Variants in SUZ12 observed in about 807,000 individuals in gnomAD.
The protein encoded by SUZ12 is polycomb protein SUZ12.
A neutral mutation model predicts 87.3 loss-of-function variants in SUZ12; 17 were observed. The observed-to-expected ratio is 0.19, with a 90% CI of 0.13 to 0.29. The LOEUF is 0.29. SUZ12 is among the 10% of genes least tolerant of loss of function. SUZ12 has a pLI of 1.00. For synonymous variants in SUZ12, 253 were observed against 312.4 expected, an observed-to-expected ratio of 0.81 and a Z score of 2.01; for missense variants, 526 against 912.2, an observed-to-expected ratio of 0.58 and a Z score of 5.45.
chr17:31,984,604 C>T (rs1179963515), intron 9 of SUZ12, among the ~76,000 whole-genome samples: 1 of 152,102 alleles, frequency 6.6e-6, no homozygotes, highest in Non-Finnish European at 1.5e-5. Context: ...AATATGAATA[C>T]ATAATATTGT....
At chr17:31,972,383 G>GTA (rs71142099) in intron 5 of SUZ12, among the ~76,000 whole-genome samples, 9,406 of 144,534 alleles carry the variant, frequency 0.065, 364 homozygotes, top group African/African-American at 0.11. Flanking sequence ...GTTTGTGTGT[G>GTA]TATATATATA....
intron 4 of SUZ12, among the ~76,000 whole-genome samples, chr17:31,950,189 C>T (rs559944996): frequency 0.025 from 2 of 80 alleles, no homozygotes; most frequent in African/African-American, 0.091. Context: ...GTGATCTGCC[C>T]ACCTCAGCCC....
At chr17:31,965,520 A>G (rs868846647) in intron 4 of SUZ12, among the ~76,000 whole-genome samples, 25 of 152,340 alleles carry the variant, frequency 1.6e-4, no homozygotes, top group African/African-American at 6.0e-4. Flanking sequence ...TAAAACTAAC[A>G]GTGAAAATGA....
rs139158235 is a variant in SUZ12 at position 31,989,299 on chromosome 17, A to G, written c.1201+802A>G. Among the ~76,000 whole-genome samples, 573 of 152,248 alleles carry G rather than the reference A, an allele frequency of 3.8e-3. 3 individuals carry two copies. The highest frequency in any genetic ancestry group is 5.9e-3 in the Non-Finnish European group (402 of 68,012). ...AATCATGGTAAATTAAGGTTCTCCTATATTAAGTGTAAAGTCTTGTGTTGA... is the reference window on the plus strand; with the variant it reads ...AATCATGGTAAATTAAGGTTCTCCTGTATTAAGTGTAAAGTCTTGTGTTGA... On this transcript the variant is annotated intron_variant, in intron 10 of 15. Coordinates refer to ENST00000322652, the MANE Select transcript of SUZ12 (RefSeq NM_015355.4).
At position 31,993,338 on chromosome 17, in the gene SUZ12, A is replaced by AC. The variant is rs1909816605; in HGVS notation, c.1293+6dup. ...AAATTAAGAATATTTTATCAGGTAA[A>AC]CATAGCTGACCCTTCTTAAAGTAAT... On this transcript the variant is annotated splice_donor_region_variant and intron_variant, in intron 11 of 15. Transcript: ENST00000322652. 2 of 1,494,838 alleles carry AC rather than the reference A, an allele frequency of 1.3e-6. No homozygotes were observed. Among genetic ancestry groups the AC allele is most frequent in the African/African-American group, 2.8e-5 (2 of 70,802 alleles). 92.6% of individuals were successfully genotyped at this position (1,494,838 alleles called of 1,614,324 possible).
chr17:31,959,654 G>C (rs1214642163), intron 4 of SUZ12, among the ~76,000 whole-genome samples: 1 of 152,152 alleles, frequency 6.6e-6, no homozygotes, highest in African/African-American at 2.4e-5. Flanking sequence ...CCTTATTCCT[G>C]CTGCTAGCAG....
chr17:31,997,778 G>A (rs4589621), intron 15 of SUZ12, among the ~76,000 whole-genome samples: 1 of 151,628 alleles, frequency 6.6e-6, no homozygotes, highest in African/African-American at 2.4e-5. Flanking sequence ...ATGCCTTTTA[G>A]TGCCACGTGT....
intron 3 of SUZ12, among the ~76,000 whole-genome samples, chr17:31,944,780 GA>G (rs1209255696): frequency 3.6e-4 from 55 of 152,154 alleles, no homozygotes; most frequent in African/African-American, 1.2e-3. Context: ...ACGTAATTAT[GA>G]ATGCAAGTTT....
intron 4 of SUZ12, among the ~76,000 whole-genome samples, chr17:31,954,085 CAG>C (rs1907152545): frequency 1.3e-5 from 2 of 151,118 alleles, no homozygotes; most frequent in Admixed American, 6.6e-5. Context: ...ATTTTTGAGA[CAG>C]AGTCTTGCTT....
At position 31,940,253 on chromosome 17, in the gene SUZ12, G is replaced by A. The variant is rs531621489; in HGVS notation, c.275-33G>A. On this transcript the variant is annotated intron_variant, in intron 1 of 15. Transcript: ENST00000322652. ...GATATTTTTCTGACAAGTAAGTTTA[G>A]ATCATGTTTGGATTTTGTTTCCTAT... 53 of 1,591,324 alleles carry A rather than the reference G, an allele frequency of 3.3e-5. No individual in the cohort carries two copies. In the African/African-American group the frequency reaches 5.7e-4, roughly 17 times the overall value.
chr17:31,990,838 C>G (rs1909683158), intron 10 of SUZ12, among the ~76,000 whole-genome samples: 1 of 152,114 alleles, frequency 6.6e-6, no homozygotes, highest in Non-Finnish European at 1.5e-5. Context: ...ACCACCGCCT[C>G]CCAGGCTCAA....
chr17:31,972,739 C>T (rs1388047933), intron 5 of SUZ12, among the ~76,000 whole-genome samples: 7 of 149,502 alleles, frequency 4.7e-5, no homozygotes, highest in Admixed American at 3.3e-4. Context: ...TACTTACAAC[C>T]TGGGCATGGT....
In SUZ12 at chr17:31,998,789, T is replaced by C. The variant is rs1910113550; in HGVS notation, c.2006T>C (p.Ile669Thr). 1.9e-6 allele frequency: 3 copies of C among 1,613,016 alleles called. No homozygotes were observed. The highest frequency in any genetic ancestry group is 1.1e-5 in the South Asian group (1 of 90,890). The change falls in exon 16 of 16, where the codon ATT becomes ACT. Residue 669 changes from isoleucine (I) to threonine (T), a missense_variant. Around this residue, in one of 9 missense-constraint regions of SUZ12, gnomAD observed 143 missense variants for 321.6 expected, o/e 0.44. Transcript: ENST00000322652. ...GTCAGCATGCATGACTTTAATCTTA[T>C]TAGCATAATGTCAATAGATAAAGCT... Reference protein sequence around the residue: ...HLVSMHDFNLISIMSIDKAVT... With the variant: ...HLVSMHDFNLTSIMSIDKAVT...
At chr17:31,988,598 T>G in intron 10 of SUZ12, 101 bp downstream of exon 10, 1 of 357,454 alleles carries the variant, frequency 2.8e-6, no homozygotes, top group Non-Finnish European at 4.0e-6. Context: ...GTGATTCTTC[T>G]TTTTTTTTTT....
intron 4 of SUZ12, among the ~76,000 whole-genome samples, chr17:31,954,724 G>A (rs928327125): frequency 6.6e-6 from 1 of 152,162 alleles, no homozygotes; most frequent in Non-Finnish European, 1.5e-5. Flanking sequence ...GATCAGGGAA[G>A]GCATCTCTGA....
At chr17:31,964,684 G>A (rs1396004204) in intron 4 of SUZ12, among the ~76,000 whole-genome samples, 1 of 152,146 alleles carries the variant, frequency 6.6e-6, no homozygotes, top group African/African-American at 2.4e-5. Context: ...GATTACAGAC[G>A]TGAAGCACTG....
chr17:31,985,514 C>T (rs1184277141), intron 9 of SUZ12, among the ~76,000 whole-genome samples: 1 of 151,606 alleles, frequency 6.6e-6, no homozygotes, highest in African/African-American at 2.4e-5. Flanking sequence ...TAATTTTTAT[C>T]TATACTGTTT....
intron 4 of SUZ12, among the ~76,000 whole-genome samples, chr17:31,949,568 G>A (rs1906823060): frequency 7.3e-6 from 1 of 137,820 alleles, no homozygotes; most frequent in East Asian, 2.3e-4. Flanking sequence ...TGCTATCTCA[G>A]CTCACTGCAA....
rs58491591 is a variant in SUZ12, at chr17:31,980,429, C to CTTTTTTTT, written c.918-2540_918-2533dup. ...TAAGATATACCAGAATCACCTTCTC[C>CTTTTTTTT]TTTTTTTTTTTTTTTTTTTTTTTTT... On this transcript the variant is annotated intron_variant, in intron 8 of 15. Transcript: ENST00000322652. 1.1e-3 allele frequency among the ~76,000 whole-genome samples: 58 copies of CTTTTTTTT among 53,828 alleles called. 13 individuals carry two copies. Among genetic ancestry groups the CTTTTTTTT allele is most frequent in the East Asian group, 5.5e-3 (4 of 732 alleles). The allele number at this position is 53,828 out of a possible 152,430, so 35.3% of individuals were successfully genotyped here. A position where few individuals can be genotyped will look rare whatever the true frequency, so the allele number is the denominator to read the frequency against.
Sources: gnomAD v4.1 joint callset for allele counts (sites outside exome capture counted in the v4.1 genomes callset) on GRCh38, gnomAD v4.1.1 for gene constraint, gnomAD v4.1.1 regional missense constraint, MANE v1.5 for transcripts, NCBI Gene and HGNC (gene_info 2026-07-23, HGNC 2026-07-21) for gene names.